The following TBXAS1 variants were observed in gnomAD, a reference collection of about 807,000 sequenced individuals.
The protein encoded by TBXAS1 is thromboxane A synthase 1.
A neutral mutation model predicts 60.7 loss-of-function variants in TBXAS1; 48 were observed. That is an observed-to-expected ratio of 0.79 (90% confidence interval 0.63 to 1.01). The LOEUF (loss-of-function observed/expected upper bound fraction) is 1.01, where lower values mean the gene tolerates loss of function less well. TBXAS1 is among the 50% of genes least tolerant of loss of function. TBXAS1 has a pLI of 0.00. For missense variants in TBXAS1, 685 were observed against 686.3 expected, an observed-to-expected ratio of 1.00 and a Z score of 0.02; for synonymous variants, 287 against 269.7, an observed-to-expected ratio of 1.06 and a Z score of -0.63.
chr7:139,815,746 G>A (rs545448092), intron 4 of TBXAS1, among the ~76,000 whole-genome samples: 29 of 152,292 alleles, frequency 1.9e-4, no homozygotes, highest in South Asian at 2.1e-4. Flanking sequence ...CAGGGCTTCC[G>A]TAGGAGGAGG....
intron 1 of TBXAS1, among the ~76,000 whole-genome samples, chr7:139,839,956 C>T (rs1435373954): frequency 2.7e-5 from 4 of 146,428 alleles, no homozygotes; most frequent in Non-Finnish European, 6.0e-5. Flanking sequence ...TGCACTCCAG[C>T]CTGGGCAACA....
chr7:140,013,817 G>T lies in TBXAS1; in HGVS notation c.1227-1906G>T, dbSNP rs1439018817. 1.3e-5 allele frequency among the ~76,000 whole-genome samples: 2 copies of T among 152,208 alleles called. No homozygotes were observed. Among genetic ancestry groups the T allele is most frequent in the Admixed American group, 1.3e-4 (2 of 15,286 alleles). ...CAGCAGCCTCCAACACACCTGACCTGCTCATGGCCTTAATCCCAAACCCAG... is the reference window on the plus strand; with the variant it reads ...CAGCAGCCTCCAACACACCTGACCTTCTCATGGCCTTAATCCCAAACCCAG... On this transcript the variant is annotated intron_variant, in intron 10 of 12. Coordinates refer to ENST00000448866, the MANE Select transcript of TBXAS1 (RefSeq NM_001061.7). The surrounding 1 kb of genome is among the most constrained non-coding windows in gnomAD (Gnocchi z 4.2).
intron 3 of TBXAS1, among the ~76,000 whole-genome samples, chr7:139,895,769 G>C (rs6464443): frequency 0.6 from 91,649 of 152,130 alleles, 29,237 homozygotes; most frequent in African/African-American, 0.82. Context: ...TCTGTATGCT[G>C]AGCTTCCCCA....
intron 4 of TBXAS1, among the ~76,000 whole-genome samples, chr7:139,808,729 A>T (rs1797939941): frequency 6.6e-6 from 1 of 152,006 alleles, no homozygotes; most frequent in African/African-American, 2.4e-5. Flanking sequence ...CTCTCCCCAC[A>T]TTGCAATGAT....
intron 4 of TBXAS1, among the ~76,000 whole-genome samples, chr7:139,933,538 T>C (rs566858523): frequency 6.6e-6 from 1 of 152,290 alleles, no homozygotes; most frequent in African/African-American, 2.4e-5. Context: ...TGAGTGGCCA[T>C]GGCGCTCCCA....
At chr7:140,011,699 T>C (rs1359871605) in intron 10 of TBXAS1, among the ~76,000 whole-genome samples, 1 of 152,018 alleles carries the variant, frequency 6.6e-6, no homozygotes, top group Non-Finnish European at 1.5e-5. Flanking sequence ...AGGGAGTTAG[T>C]GTTTAAGGGA....
At chr7:139,873,303 G>A (rs985768955) in intron 2 of TBXAS1, among the ~76,000 whole-genome samples, 4 of 152,204 alleles carry the variant, frequency 2.6e-5, no homozygotes, top group African/African-American at 9.6e-5. Flanking sequence ...TACAGGGTAG[G>A]AAGGCACGTG....
intron 5 of TBXAS1, among the ~76,000 whole-genome samples, chr7:139,947,131 A>G (rs1389980077): frequency 1.3e-5 from 2 of 152,098 alleles, no homozygotes; most frequent in African/African-American, 4.8e-5. Flanking sequence ...AATTTCACAG[A>G]CACAGTTGGT....
At chr7:139,861,447 T>G (rs933759433) in intron 1 of TBXAS1, among the ~76,000 whole-genome samples, 1 of 150,902 alleles carries the variant, frequency 6.6e-6, no homozygotes, top group Admixed American at 6.6e-5. Flanking sequence ...TGGATCTCAC[T>G]TTGTTGCCCA....
At position 139,894,206 on chromosome 7, in the gene TBXAS1, G is replaced by A. The variant is rs8192820; in HGVS notation, c.237-17019G>A. Among the ~76,000 whole-genome samples, 699 of 152,288 alleles carry A rather than the reference G, an allele frequency of 4.6e-3. 11 individuals carry two copies. In the East Asian group the frequency reaches 0.046, roughly 10 times the overall value. On this transcript the variant is annotated intron_variant, in intron 3 of 12. Transcript: ENST00000448866. ...CTGGGACTACCGTGCCACCACCCAC[G>A]CACCACACCATTGCTGCAGACCCAG...
At chr7:139,885,933 T>C (rs1038974786) in intron 3 of TBXAS1, among the ~76,000 whole-genome samples, 2 of 152,262 alleles carry the variant, frequency 1.3e-5, no homozygotes, top group African/African-American at 4.8e-5. Flanking sequence ...GAAATTCTAC[T>C]AAATTTTGAA....
At chr7:140,005,606 G>A (rs952398233) in intron 9 of TBXAS1, among the ~76,000 whole-genome samples, 1 of 152,168 alleles carries the variant, frequency 6.6e-6, no homozygotes, top group Admixed American at 6.5e-5. Flanking sequence ...AGTTAGAACC[G>A]TTCCCAGAAA....
intron 4 of TBXAS1, among the ~76,000 whole-genome samples, chr7:139,791,714 G>T (rs1483311977): frequency 2.6e-5 from 4 of 151,982 alleles, no homozygotes; most frequent in African/African-American, 9.7e-5. Flanking sequence ...TATAACCCAG[G>T]CCCCGCACAT....
At chr7:139,812,586 C>T (rs1007099659) in intron 4 of TBXAS1, among the ~76,000 whole-genome samples, 4 of 152,112 alleles carry the variant, frequency 2.6e-5, no homozygotes, top group Non-Finnish European at 4.4e-5. Context: ...TCTTAGAGAC[C>T]AGTATCAAAA....
At chr7:139,923,210 C>T (rs1584863784) in intron 4 of TBXAS1, among the ~76,000 whole-genome samples, 1 of 151,316 alleles carries the variant, frequency 6.6e-6, no homozygotes, top group East Asian at 1.9e-4. Flanking sequence ...GCCTGTAGTC[C>T]CAGCTACTCA....
chr7:139,796,809 T>C (rs1797584237), intron 4 of TBXAS1, among the ~76,000 whole-genome samples: 1 of 152,236 alleles, frequency 6.6e-6, no homozygotes, highest in South Asian at 2.1e-4. Flanking sequence ...ATAAAGTCTA[T>C]TAATCTAAAA....
chr7:139,962,119 C>T lies in TBXAS1; in HGVS notation c.1020C>T (p.Ile340=), dbSNP rs771040362. 1.3e-5 allele frequency: 21 copies of T among 1,614,224 alleles called. No homozygotes were observed. Among genetic ancestry groups the T allele is most frequent in the Admixed American group, 3.3e-5 (2 of 60,034 alleles). Residue 340 remains isoleucine (I), a synonymous_variant, in exon 9 of 13, where the codon ATC becomes ATT. Coordinates refer to ENST00000448866, the MANE Select transcript of TBXAS1 (RefSeq NM_001061.7). ...EIVGQAFIFL[I]AGYEIITNTL... ...TGGGCCAGGCCTTCATCTTCCTCAT[C>T]GCTGGCTATGAAATCATCACCAACA...
chr7:139,799,871 G>A (rs540862951), intron 4 of TBXAS1, among the ~76,000 whole-genome samples: 1 of 152,260 alleles, frequency 6.6e-6, no homozygotes, highest in South Asian at 2.1e-4. Context: ...TAGGGCAGTA[G>A]GCCTGGCCCT....
chr7:139,978,241 G>T (rs1358949085), intron 9 of TBXAS1, among the ~76,000 whole-genome samples: 2 of 152,180 alleles, frequency 1.3e-5, no homozygotes, highest in Non-Finnish European at 2.9e-5. Context: ...AGGCACCGTG[G>T]CTCACATTTG....
Sources: gnomAD v4.1 joint callset for allele counts (sites outside exome capture counted in the v4.1 genomes callset) on GRCh38, gnomAD v4.1.1 for gene constraint, Gnocchi (gnomAD v3.1) non-coding constraint, MANE v1.5 for transcripts, NCBI Gene and HGNC (gene_info 2026-07-23, HGNC 2026-07-21) for gene names.